AGBL1: variants seen among roughly 807,000 people sequenced by gnomAD.
The protein encoded by AGBL1 is AGBL carboxypeptidase 1, also known as cytosolic carboxypeptidase 4.
In AGBL1, 130 loss-of-function variants were observed where a neutral mutation model predicts 118.9. The observed-to-expected ratio is 1.09, with a 90% CI of 0.95 to 1.26. The LOEUF is 1.26. Ranked by LOEUF, AGBL1 falls within the 50% of genes most tolerant of loss-of-function variation. The pLI is 0.00. For missense variants in AGBL1, 1,584 were observed against 1,298.1 expected (o/e 1.22, Z -3.38); for synonymous variants, 555 against 478.9 (o/e 1.16, Z -2.08).
At position 86,438,435 on chromosome 15, in the gene AGBL1, C is replaced by T. The variant is rs116688498; in HGVS notation, c.2555+40889C>T. On this transcript the variant is annotated intron_variant, in intron 18 of 22. Transcript: ENST00000614907. ...TCTCTCTACTCCTTAAAATAACATTCGCTTTATCAGAAATGACCTCCTTAT... is the reference window on the plus strand; with the variant it reads ...TCTCTCTACTCCTTAAAATAACATTTGCTTTATCAGAAATGACCTCCTTAT... 4.3e-3 allele frequency among the ~76,000 whole-genome samples: 661 copies of T among 152,176 alleles called. 4 individuals are homozygous for T. Among genetic ancestry groups the T allele is most frequent in the Non-Finnish European group, 7.7e-3 (525 of 68,012 alleles).
intron 17 of AGBL1, among the ~76,000 whole-genome samples, chr15:86,319,272 A>T (rs778881684): frequency 1.3e-5 from 2 of 152,188 alleles, no homozygotes; most frequent in African/African-American, 2.4e-5. Flanking sequence ...AAGTCATTAC[A>T]CAGAGTTAAC....
intron 23 of AGBL1, among the ~76,000 whole-genome samples, chr15:86,978,373 A>T (rs1434600704): frequency 6.6e-6 from 1 of 152,206 alleles, no homozygotes; most frequent in African/African-American, 2.4e-5. Flanking sequence ...TGATGGTCAT[A>T]AATATTCAAA....
chr15:86,990,606 C>T (rs2081328838), intron 24 of AGBL1, among the ~76,000 whole-genome samples: 1 of 152,302 alleles, frequency 6.6e-6, no homozygotes, highest in Admixed American at 6.5e-5. Context: ...ATCTACCAGG[C>T]ACTCTTCTAA....
At chr15:86,351,018 T>C (rs1326307692) in intron 17 of AGBL1, among the ~76,000 whole-genome samples, 2 of 152,252 alleles carry the variant, frequency 1.3e-5, no homozygotes, top group Admixed American at 1.3e-4. Flanking sequence ...AAAGCCTGTC[T>C]TAAATTTCTC....
chr15:86,414,191 G>T (rs180963988), intron 18 of AGBL1, among the ~76,000 whole-genome samples: 1 of 152,260 alleles, frequency 6.6e-6, no homozygotes, highest in East Asian at 1.9e-4. Context: ...GAGGTGAGGA[G>T]GAGGTGGGTG....
chr15:86,707,295 A>G (rs1405965852), intron 22 of AGBL1, among the ~76,000 whole-genome samples: 1 of 152,176 alleles, frequency 6.6e-6, no homozygotes, highest in African/African-American at 2.4e-5. Context: ...AAATCCAGGT[A>G]TATAGTCAGT....
chr15:86,165,651 G>A lies in AGBL1; in HGVS notation c.488+6625G>A, dbSNP rs778479551. ...TAATTCCCTCCCAGCCCCAACTAAC[G>A]GCTTCATGATTCCCCATTCAACATT... On this transcript the variant is annotated intron_variant, in intron 5 of 22. Coordinates refer to ENST00000614907, the MANE Select transcript of AGBL1 (RefSeq NM_001386094.1). Among the ~76,000 whole-genome samples the A allele has an allele frequency of 1.1e-3, 171 of 152,148 alleles. 1 individual carries two copies. The highest frequency in any genetic ancestry group is 1.6e-3 in the Non-Finnish European group (106 of 68,014).
chr15:86,097,427 C>A (rs1405520356), intron 1 of AGBL1, among the ~76,000 whole-genome samples: 1 of 152,052 alleles, frequency 6.6e-6, no homozygotes, highest in African/African-American at 2.4e-5. Context: ...TAACTGTATG[C>A]TTGTACATAT....
At chr15:86,178,583 T>C (rs1311126384) in intron 5 of AGBL1, among the ~76,000 whole-genome samples, 3 of 152,222 alleles carry the variant, frequency 2.0e-5, no homozygotes, top group Non-Finnish European at 2.9e-5. Context: ...TTGAATTGAA[T>C]GTATGGTTAA....
At chr15:86,790,173 A>G (rs2078471078) in intron 22 of AGBL1, among the ~76,000 whole-genome samples, 1 of 152,160 alleles carries the variant, frequency 6.6e-6, no homozygotes, top group South Asian at 2.1e-4. Context: ...GCCCACAGAA[A>G]GAAACTTCAG....
intron 18 of AGBL1, among the ~76,000 whole-genome samples, chr15:86,441,527 A>G (rs1164143949): frequency 6.6e-6 from 1 of 152,218 alleles, no homozygotes; most frequent in Non-Finnish European, 1.5e-5. Context: ...AGGGGTGCCA[A>G]TGACATAGAT....
At chr15:86,853,318 A>G (rs2079432471) in intron 22 of AGBL1, among the ~76,000 whole-genome samples, 1 of 152,200 alleles carries the variant, frequency 6.6e-6, no homozygotes, top group African/African-American at 2.4e-5. Flanking sequence ...AGATCCACAA[A>G]TAAGCATTAG....
At chr15:86,423,790 A>T (rs1015664638) in intron 18 of AGBL1, among the ~76,000 whole-genome samples, 1 of 152,204 alleles carries the variant, frequency 6.6e-6, no homozygotes, top group African/African-American at 2.4e-5. Context: ...CAATTGCTAC[A>T]AAGATAATAA....
chr15:86,207,561 T>A (rs534299334), intron 5 of AGBL1, among the ~76,000 whole-genome samples: 2 of 152,320 alleles, frequency 1.3e-5, no homozygotes, highest in African/African-American at 4.8e-5. Flanking sequence ...GGTATTTTAT[T>A]CTGTTTGTAA....
chr15:86,323,492 C>A (rs141653600), intron 17 of AGBL1, among the ~76,000 whole-genome samples: 3 of 151,934 alleles, frequency 2.0e-5, no homozygotes, highest in Admixed American at 2.0e-4. Flanking sequence ...TGTTAAATAA[C>A]TAAATATAAA....
chr15:86,477,473 A>G (rs2082577881), intron 18 of AGBL1, among the ~76,000 whole-genome samples: 3 of 152,376 alleles, frequency 2.0e-5, no homozygotes, highest in African/African-American at 7.2e-5. Context: ...AATAAAGTAG[A>G]AAATCTAGAA....
At chr15:86,147,488 C>T (rs1397800645) in intron 3 of AGBL1, among the ~76,000 whole-genome samples, 1 of 152,216 alleles carries the variant, frequency 6.6e-6, no homozygotes, top group Non-Finnish European at 1.5e-5. Flanking sequence ...GGTCCCACAC[C>T]CACGGAGCCT....
At chr15:86,953,556 C>T (rs2080900656) in intron 23 of AGBL1, among the ~76,000 whole-genome samples, 1 of 151,614 alleles carries the variant, frequency 6.6e-6, no homozygotes, top group Non-Finnish European at 1.5e-5. Context: ...ATGCCCAGCT[C>T]AATTTTGTAC....
intron 23 of AGBL1, among the ~76,000 whole-genome samples, chr15:86,962,139 T>C (rs776082501): frequency 2.0e-5 from 3 of 152,110 alleles, no homozygotes; most frequent in Non-Finnish European, 4.4e-5. Flanking sequence ...AACCAATAAG[T>C]TTAGCAGTGT....
Sources: gnomAD v4.1 joint callset for allele counts (sites outside exome capture counted in the v4.1 genomes callset) on GRCh38, gnomAD v4.1.1 for gene constraint, MANE v1.5 for transcripts, NCBI Gene and HGNC (gene_info 2026-07-23, HGNC 2026-07-21) for gene names.